The following CD247 variants were observed in gnomAD, a reference collection of about 807,000 sequenced individuals.
The protein encoded by CD247 is T-cell surface glycoprotein CD3 zeta chain.
In CD247, 13 loss-of-function variants were observed where a neutral mutation model predicts 30.0. The ratio of observed to expected loss-of-function variants is 0.43; its 90% CI spans 0.28 to 0.69. The LOEUF (loss-of-function observed/expected upper bound fraction) is 0.69, where lower values mean the gene tolerates loss of function less well. Among genes scored for constraint, CD247 ranks in the 30% least tolerant of loss-of-function variants. CD247 has a pLI of 0.16. For synonymous variants in CD247, 72 were observed against 80.0 expected (o/e 0.90, Z 0.53); for missense variants, 193 against 212.6 (o/e 0.91, Z 0.57).
At chr1:167,514,072 T>C (rs528287306) in intron 1 of CD247, among the ~76,000 whole-genome samples, 1 of 152,392 alleles carries the variant, frequency 6.6e-6, no homozygotes, top group African/African-American at 2.4e-5. Flanking sequence ...TTTAATCGTA[T>C]GAAAACATCT....
chr1:167,475,505 G>T (rs1376160647), intron 1 of CD247, among the ~76,000 whole-genome samples: 5 of 152,308 alleles, frequency 3.3e-5, no homozygotes, highest in Non-Finnish European at 7.4e-5. Context: ...AAAAAGGAAA[G>T]ATAATCCCTA....
At chr1:167,447,965 G>C (rs1265762120) in intron 1 of CD247, among the ~76,000 whole-genome samples, 1 of 144,898 alleles carries the variant, frequency 6.9e-6, no homozygotes, top group Non-Finnish European at 1.5e-5. Flanking sequence ...AGCAGCTATG[G>C]GTGGGGGGGT....
At chr1:167,490,194 C>G (rs1264193608) in intron 1 of CD247, among the ~76,000 whole-genome samples, 2 of 152,200 alleles carry the variant, frequency 1.3e-5, no homozygotes, top group Non-Finnish European at 2.9e-5. Context: ...GGGGCCTGGC[C>G]TCACATTTCC....
chr1:167,510,265 T>A (rs150633678), intron 1 of CD247, among the ~76,000 whole-genome samples: 1 of 152,266 alleles, frequency 6.6e-6, no homozygotes, highest in Non-Finnish European at 1.5e-5. Context: ...GAGCATACAG[T>A]GCACCACACA....
At chr1:167,460,186 G>A (rs1009424105) in intron 1 of CD247, among the ~76,000 whole-genome samples, 13 of 152,276 alleles carry the variant, frequency 8.5e-5, no homozygotes, top group African/African-American at 2.9e-4. Context: ...AGGATGGCTT[G>A]AGCCCAGGGG....
At chr1:167,485,571 G>A (rs1654168878) in intron 1 of CD247, among the ~76,000 whole-genome samples, 1 of 152,136 alleles carries the variant, frequency 6.6e-6, no homozygotes, top group Non-Finnish European at 1.5e-5. Flanking sequence ...AACACTGAGA[G>A]CTGCCTGAGA....
chr1:167,461,300 T>A (rs1274117932), intron 1 of CD247, among the ~76,000 whole-genome samples: 23 of 152,234 alleles, frequency 1.5e-4, no homozygotes, highest in Admixed American at 1.4e-3. Flanking sequence ...ATAAATGAGA[T>A]CCACTATCAG....
intron 1 of CD247, among the ~76,000 whole-genome samples, chr1:167,473,755 C>A (rs938175688): frequency 6.6e-6 from 1 of 152,216 alleles, no homozygotes; most frequent in Non-Finnish European, 1.5e-5. Flanking sequence ...ACCCCCCAGA[C>A]TTTGAGGAGC....
chr1:167,441,085 C>T (rs1651801757), intron 1 of CD247, among the ~76,000 whole-genome samples: 1 of 152,164 alleles, frequency 6.6e-6, no homozygotes, highest in African/African-American at 2.4e-5. Context: ...AGCAGAAGCC[C>T]AGCCATGTTA....
chr1:167,499,726 G>A (rs528638646), intron 1 of CD247, among the ~76,000 whole-genome samples: 1 of 152,276 alleles, frequency 6.6e-6, no homozygotes, highest in African/African-American at 2.4e-5. Context: ...TGCATGCACA[G>A]CCTGCCCACA....
intron 1 of CD247, among the ~76,000 whole-genome samples, chr1:167,460,433 AT>A (rs1198757746): frequency 6.6e-6 from 1 of 152,072 alleles, no homozygotes; most frequent in East Asian, 1.9e-4. Flanking sequence ...AAGAAATAAG[AT>A]TATGACCAAG....
intron 1 of CD247, among the ~76,000 whole-genome samples, chr1:167,473,396 C>A (rs1653614306): frequency 6.6e-6 from 1 of 152,196 alleles, no homozygotes; most frequent in South Asian, 2.1e-4. Context: ...TTGCTTCCTG[C>A]CTACCTGCAG....
At chr1:167,508,559 G>A (rs1003228844) in intron 1 of CD247, among the ~76,000 whole-genome samples, 4 of 152,268 alleles carry the variant, frequency 2.6e-5, no homozygotes, top group Admixed American at 1.3e-4. Flanking sequence ...CAAAGAAAAC[G>A]GACAAGATTC....
At chr1:167,448,204 C>A (rs954379948) in intron 1 of CD247, 10 of 235,242 alleles carry the variant, frequency 4.3e-5, no homozygotes, top group Admixed American at 2.0e-4. Flanking sequence ...CTCATTCAGT[C>A]TTCACAGTGA....
At chr1:167,485,329 C>T (rs755315509) in intron 1 of CD247, among the ~76,000 whole-genome samples, 4 of 152,140 alleles carry the variant, frequency 2.6e-5, no homozygotes, top group Non-Finnish European at 4.4e-5. Flanking sequence ...CCTGGCGCTG[C>T]GTCTGGGGAG....
intron 1 of CD247, among the ~76,000 whole-genome samples, chr1:167,466,645 C>T (rs1195612332): frequency 1.3e-5 from 2 of 152,118 alleles, no homozygotes; most frequent in African/African-American, 4.8e-5. Flanking sequence ...AATGTATTTT[C>T]ATATGCACAT....
intron 5 of CD247, chr1:167,434,691 G>C (rs1651443014): frequency 2.3e-6 from 1 of 427,802 alleles, no homozygotes. Flanking sequence ...GCTTGACCTT[G>C]CTGTGTCCCC....
chr1:167,486,919 CA>C (rs1654231834), intron 1 of CD247, among the ~76,000 whole-genome samples: 1 of 151,768 alleles, frequency 6.6e-6, no homozygotes, highest in Non-Finnish European at 1.5e-5. Context: ...ACTAAAAACA[CA>C]AAAATTAGCC....
chr1:167,448,635 T>C, intron 1 of CD247: 1 of 647,546 alleles, frequency 1.5e-6, no homozygotes. Context: ...CAACATATAA[T>C]GTTTTACTAC....
Sources: gnomAD v4.1 joint callset for allele counts (sites outside exome capture counted in the v4.1 genomes callset) on GRCh38, gnomAD v4.1.1 for gene constraint, MANE v1.5 for transcripts, NCBI Gene and HGNC (gene_info 2026-07-23, HGNC 2026-07-21) for gene names.